Variants in CNTNAP2 observed in about 807,000 individuals in gnomAD.
CNTNAP2 encodes the protein contactin-associated protein-like 2.
Under a neutral mutation model 155.2 loss-of-function variants are expected in CNTNAP2, and 98 were observed. The observed-to-expected ratio is 0.63, with a 90% CI of 0.54 to 0.75. The LOEUF (loss-of-function observed/expected upper bound fraction) is 0.75, where lower values mean the gene tolerates loss of function less well. Among genes scored for constraint, CNTNAP2 ranks in the 30% least tolerant of loss-of-function variants. The pLI is 0.00. For missense variants in CNTNAP2, 1,727 were observed against 1,688.1 expected, an observed-to-expected ratio of 1.02 and a Z score of -0.40; for synonymous variants, 651 against 631.2, an observed-to-expected ratio of 1.03 and a Z score of -0.47.
At chr7:146,977,183 A>G (rs1467118784) in intron 3 of CNTNAP2, among the ~76,000 whole-genome samples, 1 of 152,232 alleles carries the variant, frequency 6.6e-6, no homozygotes, top group Non-Finnish European at 1.5e-5. Context: ...ACTATTGTTT[A>G]TGACTCAATG....
At chr7:147,444,417 G>T (rs186660293) in intron 10 of CNTNAP2, among the ~76,000 whole-genome samples, 32 of 152,020 alleles carry the variant, frequency 2.1e-4, no homozygotes, top group East Asian at 1.2e-3. Flanking sequence ...TCATAAAATG[G>T]CTAGAGAATT....
At chr7:147,572,694 G>T (rs988930437) in intron 12 of CNTNAP2, among the ~76,000 whole-genome samples, 1 of 122,714 alleles carries the variant, frequency 8.1e-6, no homozygotes, top group African/African-American at 3.2e-5. Context: ...ATTCAAACAG[G>T]ATGGGAAACA....
chr7:147,394,243 T>C (rs903884501), intron 9 of CNTNAP2, among the ~76,000 whole-genome samples: 30 of 151,980 alleles, frequency 2.0e-4, no homozygotes, highest in Non-Finnish European at 4.0e-4. Flanking sequence ...TCTACCCTGA[T>C]TATAAGTTTC....
chr7:148,254,707 C>T (rs1001297922), intron 20 of CNTNAP2, among the ~76,000 whole-genome samples: 10 of 145,480 alleles, frequency 6.9e-5, no homozygotes, highest in South Asian at 6.6e-4. Flanking sequence ...ACCCAGGAGG[C>T]GGAAGTTGCA....
At chr7:148,309,197 T>A (rs1797546931) in intron 21 of CNTNAP2, among the ~76,000 whole-genome samples, 1 of 152,232 alleles carries the variant, frequency 6.6e-6, no homozygotes, top group Non-Finnish European at 1.5e-5. Context: ...CAGGGAAACA[T>A]TGCAGTAATG....
chr7:146,749,394 A>G (rs1292001045), intron 1 of CNTNAP2, among the ~76,000 whole-genome samples: 1 of 152,174 alleles, frequency 6.6e-6, no homozygotes, highest in African/African-American at 2.4e-5. Flanking sequence ...CTAGGACTCA[A>G]TCTCATGGAC....
intron 14 of CNTNAP2, among the ~76,000 whole-genome samples, chr7:147,924,105 G>A (rs1388324299): frequency 1.3e-5 from 2 of 151,060 alleles, no homozygotes; most frequent in African/African-American, 4.9e-5. Context: ...CCAAATGCTG[G>A]GCACCACTCT....
intron 10 of CNTNAP2, among the ~76,000 whole-genome samples, chr7:147,409,789 G>GA (rs371357445): frequency 0.014 from 1,936 of 136,296 alleles, 17 homozygotes; most frequent in African/African-American, 0.029. Context: ...GAACCATCAT[G>GA]AAAAAAAAAA....
At chr7:146,219,925 G>A (rs1799179106) in intron 1 of CNTNAP2, among the ~76,000 whole-genome samples, 1 of 152,104 alleles carries the variant, frequency 6.6e-6, no homozygotes, top group Non-Finnish European at 1.5e-5. Context: ...GAGGCCCTTA[G>A]AGAACATCTA....
chr7:147,783,967 A>G (rs899985344), intron 13 of CNTNAP2, among the ~76,000 whole-genome samples: 5 of 152,168 alleles, frequency 3.3e-5, no homozygotes, highest in Non-Finnish European at 5.9e-5. Context: ...GGACTAAGAC[A>G]TTCCTCCTGA....
At chr7:148,252,437 C>A (rs2116817773) in intron 20 of CNTNAP2, among the ~76,000 whole-genome samples, 1 of 152,280 alleles carries the variant, frequency 6.6e-6, no homozygotes, top group South Asian at 2.1e-4. Context: ...TCCAAGGGTT[C>A]TTTCTGCTTC....
At chr7:147,514,550 G>T (rs1799082180) in intron 11 of CNTNAP2, among the ~76,000 whole-genome samples, 1 of 151,282 alleles carries the variant, frequency 6.6e-6, no homozygotes, top group African/African-American at 2.4e-5. Flanking sequence ...CCAAGGGAAT[G>T]AAGTTTAATG....
At chr7:146,663,869 A>G (rs1231710481) in intron 1 of CNTNAP2, among the ~76,000 whole-genome samples, 1 of 151,720 alleles carries the variant, frequency 6.6e-6, no homozygotes, top group Non-Finnish European at 1.5e-5. Context: ...TTATTTATTT[A>G]TTTTTGTAGA....
chr7:147,626,587 C>T (rs1435421901), intron 12 of CNTNAP2, among the ~76,000 whole-genome samples: 1 of 152,104 alleles, frequency 6.6e-6, no homozygotes, highest in Non-Finnish European at 1.5e-5. Flanking sequence ...AGCTTTATGG[C>T]CCTGCCCATC....
intron 5 of CNTNAP2, among the ~76,000 whole-genome samples, chr7:147,112,420 G>T (rs565848548): frequency 6.6e-6 from 1 of 152,104 alleles, no homozygotes; most frequent in African/African-American, 2.4e-5. Context: ...GAATAGTCAC[G>T]GTGAGAGAAG....
intron 10 of CNTNAP2, among the ~76,000 whole-genome samples, chr7:147,468,463 T>C (rs1451355240): frequency 6.6e-6 from 1 of 152,206 alleles, no homozygotes; most frequent in Non-Finnish European, 1.5e-5. Flanking sequence ...TATCTATATA[T>C]AAAGCCTTCA....
Position 147,554,406 on chromosome 7 carries a change from C to T in CNTNAP2, c.1778-7732C>T, listed in dbSNP as rs542772099. Among the ~76,000 whole-genome samples the T allele has an allele frequency of 1.0e-3, 153 of 150,872 alleles. 1 individual carries two copies. Among genetic ancestry groups the T allele is most frequent in the African/African-American group, 3.6e-3 (147 of 41,066 alleles). ...TTTTCTTTGAAACAGTGCCTTGAAG[C>T]CAATTTATAGAGGGATTTGGGAAGG... is the stretch of plus-strand genomic sequence containing the variant. On this transcript the variant is annotated intron_variant, in intron 11 of 23. Transcript: ENST00000361727.
chr7:146,896,401 C>G (rs561521326), intron 3 of CNTNAP2, among the ~76,000 whole-genome samples: 18 of 152,152 alleles, frequency 1.2e-4, no homozygotes, highest in Admixed American at 9.2e-4. Flanking sequence ...ATTCCCCAAC[C>G]ACGTGTACAT....
At chr7:148,355,166 C>CTGTTTT (rs1798490032) in intron 21 of CNTNAP2, among the ~76,000 whole-genome samples, 1 of 41,026 alleles carries the variant, frequency 2.4e-5, no homozygotes, top group Non-Finnish European at 4.1e-5. Context: ...CCGCCAGCTG[C>CTGTTTT]TTTTTTTTTT....
Sources: allele counts gnomAD v4.1 joint callset (sites outside exome capture counted in the v4.1 genomes callset), GRCh38; gene constraint gnomAD v4.1.1; transcripts MANE v1.5; gene names NCBI Gene and HGNC (gene_info 2026-07-23, HGNC 2026-07-21).